Variants in CTNNA2 observed in about 807,000 individuals in gnomAD.
The protein encoded by CTNNA2 is catenin alpha 2.
A neutral mutation model predicts 101.0 loss-of-function variants in CTNNA2; 42 were observed. That is an observed-to-expected ratio of 0.42 (90% CI 0.32 to 0.54). CTNNA2 has a LOEUF of 0.54. Among genes scored for constraint, CTNNA2 ranks in the 20% least tolerant of loss-of-function variants. CTNNA2 has a pLI of 0.14. For synonymous variants in CTNNA2, 450 were observed against 456.4 expected (o/e 0.99, Z 0.18); for missense variants, 871 against 1,223.1 (o/e 0.71, Z 4.29).
chr2:79,220,352 T>C (rs924514349), intron 2 of CTNNA2, among the ~76,000 whole-genome samples: 1 of 152,184 alleles, frequency 6.6e-6, no homozygotes, highest in African/African-American at 2.4e-5. Context: ...ACTTTATTAC[T>C]GGCAGAACTG....
Position 80,648,021 on chromosome 2 carries a change from TGA to T in CTNNA2, c.*152_*153del, listed in dbSNP as rs1484020756. 1.4e-6 allele frequency: 1 copy of T among 703,252 alleles called. No homozygotes were observed. The highest frequency in any genetic ancestry group is 1.8e-5 in the African/African-American group (1 of 55,512). The allele number at this position is 703,252 out of a possible 1,614,324, so 43.6% of individuals were successfully genotyped here. Reference sequence around the variant, plus strand: ...GTGTCTGTTTGCATGTAAGATGAGATGAGATCAATACTACTGATCCATCTGTA... The same window carrying T: ...GTGTCTGTTTGCATGTAAGATGAGATGATCAATACTACTGATCCATCTGTA... On this transcript the variant is annotated 3_prime_UTR_variant, in exon 19 of 19. Coordinates refer to ENST00000402739, the MANE Select transcript of CTNNA2 (RefSeq NM_001282597.3).
chr2:80,056,487 G>T (rs1384584715), intron 7 of CTNNA2, among the ~76,000 whole-genome samples: 2 of 152,172 alleles, frequency 1.3e-5, no homozygotes, highest in African/African-American at 4.8e-5. Flanking sequence ...TTTCCCAGAC[G>T]TTGCCCATAG....
chr2:79,845,262 C>CT (rs989401691), intron 3 of CTNNA2, among the ~76,000 whole-genome samples: 2 of 142,262 alleles, frequency 1.4e-5, no homozygotes, highest in African/African-American at 2.6e-5. Context: ...GTTAGTGGGT[C>CT]TTTCAGAACC....
intron 2 of CTNNA2, among the ~76,000 whole-genome samples, chr2:79,231,195 C>T (rs1456022922): frequency 1.3e-5 from 2 of 152,136 alleles, no homozygotes; most frequent in Non-Finnish European, 2.9e-5. Flanking sequence ...TGTGCCCCCA[C>T]CCAAATCTCA....
chr2:80,380,237 C>CAT (rs1230301908), intron 7 of CTNNA2, among the ~76,000 whole-genome samples: 1 of 151,970 alleles, frequency 6.6e-6, no homozygotes, highest in East Asian at 1.9e-4. Flanking sequence ...GGGGTTTCAC[C>CAT]GTGTTAGCCA....
intron 7 of CTNNA2, among the ~76,000 whole-genome samples, chr2:80,255,536 C>A (rs1672078030): frequency 6.6e-6 from 1 of 152,118 alleles, no homozygotes; most frequent in South Asian, 2.1e-4. Flanking sequence ...GTAATGAATT[C>A]TCCCAGGAGA....
intron 1 of CTNNA2, among the ~76,000 whole-genome samples, chr2:79,584,835 A>G (rs576304648): frequency 7.3e-4 from 111 of 152,308 alleles, no homozygotes; most frequent in Middle Eastern, 3.4e-3. Flanking sequence ...AGATTTTCAT[A>G]TGCACTTGAA....
intron 9 of CTNNA2, among the ~76,000 whole-genome samples, chr2:80,452,238 G>A (rs1283156309): frequency 1.3e-5 from 2 of 151,770 alleles, no homozygotes; most frequent in Non-Finnish European, 2.9e-5. Flanking sequence ...TAACTTCAGA[G>A]CCTGTTTACA....
intron 7 of CTNNA2, among the ~76,000 whole-genome samples, chr2:80,071,036 C>CT (rs759514567): frequency 6.6e-6 from 1 of 152,166 alleles, no homozygotes; most frequent in African/African-American, 2.4e-5. Context: ...TGCACAGACT[C>CT]TTTTTAAAAA....
intron 2 of CTNNA2, among the ~76,000 whole-genome samples, chr2:79,280,300 A>G (rs1015358153): frequency 3.9e-5 from 6 of 152,160 alleles, no homozygotes; most frequent in African/African-American, 7.2e-5. Flanking sequence ...TTATCTTTGC[A>G]GTGTGGAAGC....
intron 7 of CTNNA2, among the ~76,000 whole-genome samples, chr2:80,080,378 A>G (rs1034416333): frequency 6.6e-6 from 1 of 152,204 alleles, no homozygotes; most frequent in Admixed American, 6.5e-5. Flanking sequence ...CCACACATAC[A>G]TGGTCAAATG....
intron 7 of CTNNA2, among the ~76,000 whole-genome samples, chr2:80,113,412 A>T (rs780699650): frequency 6.6e-6 from 1 of 152,206 alleles, no homozygotes; most frequent in Admixed American, 6.5e-5. Context: ...TGGTGTGCAT[A>T]TGGATTTGAA....
chr2:79,991,474 A>G (rs891028168), intron 7 of CTNNA2, among the ~76,000 whole-genome samples: 79 of 152,136 alleles, frequency 5.2e-4, no homozygotes, highest in African/African-American at 1.7e-3. Flanking sequence ...AGAGAAGAAA[A>G]TTCCTCATCT....
intron 7 of CTNNA2, among the ~76,000 whole-genome samples, chr2:80,172,096 A>G (rs1307810941): frequency 6.6e-6 from 1 of 152,140 alleles, no homozygotes; most frequent in Non-Finnish European, 1.5e-5. Context: ...CATGACAGGG[A>G]GCGGTTTCCA....
At chr2:79,369,621 A>G (rs563545337) in intron 3 of CTNNA2, among the ~76,000 whole-genome samples, 22 of 152,232 alleles carry the variant, frequency 1.4e-4, no homozygotes, top group African/African-American at 5.3e-4. Context: ...CAAGCCTTCA[A>G]GGCTCACCCA....
intron 4 of CTNNA2, among the ~76,000 whole-genome samples, chr2:79,442,877 T>C (rs761086601): frequency 6.6e-6 from 1 of 152,118 alleles, no homozygotes; most frequent in Non-Finnish European, 1.5e-5. Context: ...CAGTACTCCC[T>C]GGTTACCTCT....
At chr2:80,592,623 G>T (rs1696609659) in intron 15 of CTNNA2, among the ~76,000 whole-genome samples, 1 of 152,082 alleles carries the variant, frequency 6.6e-6, no homozygotes. Context: ...GTGAAATGCA[G>T]CTCATTAGTA....
rs535683261 is a variant in CTNNA2, at chr2:80,102,428, G to A, written c.1056+192631G>A. Among the ~76,000 whole-genome samples the A allele has an allele frequency of 6.1e-4, 93 of 152,202 alleles. 1 individual carries two copies. Among genetic ancestry groups the A allele is most frequent in the Middle Eastern group, 3.4e-3 (1 of 292 alleles). On this transcript the variant is annotated intron_variant, in intron 7 of 18. Transcript: ENST00000402739. The stretch of plus-strand genomic sequence containing the variant: ...CCTACAGGTCCCTGGTGCTTCCCTC[G>A]TTCTTTGATTCCTCCTGTAGGCAAG...
intron 3 of CTNNA2, among the ~76,000 whole-genome samples, chr2:79,338,368 G>A (rs1012130360): frequency 1.3e-5 from 2 of 152,050 alleles, no homozygotes; most frequent in African/African-American, 4.8e-5. Context: ...TTCACAGTGA[G>A]TCCAGTGTAA....
Sources: allele counts gnomAD v4.1 joint callset (sites outside exome capture counted in the v4.1 genomes callset), GRCh38; gene constraint gnomAD v4.1.1; transcripts MANE v1.5; gene names NCBI Gene and HGNC (gene_info 2026-07-23, HGNC 2026-07-21).